The following DTX1 variants were observed in gnomAD, a reference collection of about 807,000 sequenced individuals.
DTX1 encodes deltex E3 ubiquitin ligase 1, also known as E3 ubiquitin-protein ligase DTX1.
DTX1 carries 26 observed loss-of-function variants against 57.8 expected under a neutral mutation model. The ratio of observed to expected loss-of-function variants is 0.45; its 90% confidence interval spans 0.33 to 0.62. The LOEUF (loss-of-function observed/expected upper bound fraction) is 0.62. Among genes scored for constraint, DTX1 ranks in the 20% least tolerant of loss-of-function variants. The probability of loss-of-function intolerance (pLI) is 0.02; values close to 1 mark genes in which losing one functional copy is unlikely to be tolerated. For missense variants in DTX1, 704 were observed against 895.3 expected (o/e 0.79, Z 2.73); for synonymous variants, 398 against 394.1 (o/e 1.01, Z -0.12).
chr12:113,087,173 C>T (rs2044867063), intron 3 of DTX1, among the ~76,000 whole-genome samples: 1 of 152,112 alleles, frequency 6.6e-6, no homozygotes, highest in Non-Finnish European at 1.5e-5. Context: ...ATCTGAGCCT[C>T]CAATACCACT....
At chr12:113,065,515 A>G (rs1592842612) in intron 2 of DTX1, among the ~76,000 whole-genome samples, 1 of 149,988 alleles carries the variant, frequency 6.7e-6, no homozygotes, top group Non-Finnish European at 1.5e-5. Flanking sequence ...TCCTCCCCTC[A>G]CCCCTTTCTC....
intron 3 of DTX1, among the ~76,000 whole-genome samples, chr12:113,080,344 C>G (rs980656663): frequency 3.3e-5 from 5 of 152,274 alleles, no homozygotes; most frequent in African/African-American, 1.2e-4. Flanking sequence ...AGCAGCTGGG[C>G]TCTGGCTGCC....
Position 113,094,996 on chromosome 12 carries a change from G to T in DTX1, c.1387-46G>T. On this transcript the variant is annotated intron_variant, in intron 7 of 9. Transcript: ENST00000548759. ...GAGGAGTGGGCAGGGAACGGAGTGG[G>T]GTTTGGGGGGGTGCTGGGAACTCAC... is the stretch of plus-strand genomic sequence containing the variant. The T allele has an allele frequency of 3.7e-6, 6 of 1,604,978 alleles. No homozygotes were observed. In the South Asian group the frequency reaches 6.6e-5, roughly 18 times the overall value.
Position 113,094,854 on chromosome 12 carries a change from G to A in DTX1, c.1293G>A (p.Lys431=). 6.2e-7 allele frequency: 1 copy of A among 1,613,818 alleles called. No homozygotes were observed. The highest frequency in any genetic ancestry group is 8.5e-7 in the Non-Finnish European group (1 of 1,180,006). ...GCTACGAGGGCGTGCTTCGGCACAA[G>A]GGCGTGCGGCCTGAGCTCGTGGGCC... ...ASGYEGVLRH[K]GVRPELVGRL... The change falls in exon 7 of 10, where the codon AAG becomes AAA. Residue 431 remains lysine, a synonymous_variant. Transcript: ENST00000548759.
Position 113,097,097 on chromosome 12 carries a change from A to C in DTX1, c.*158A>C. ...ACCTGCCTGGTGGCAGCTGGGATGA[A>C]GAGAGATGGCATGTCAGGCTGGCCC... On this transcript the variant is annotated 3_prime_UTR_variant, in exon 10 of 10. Transcript: ENST00000548759. 1 of 775,652 alleles carries C rather than the reference A, an allele frequency of 1.3e-6. No individual in the cohort carries two copies. The highest frequency in any genetic ancestry group is 2.0e-6 in the Non-Finnish European group (1 of 498,158). The allele number at this position is 775,652 out of a possible 1,614,324, so 48.0% of individuals were successfully genotyped here.
In DTX1 at chr12:113,084,325, G is replaced by T. The variant is rs183039952; in HGVS notation, c.941+6220G>T. 4.0e-4 allele frequency among the ~76,000 whole-genome samples: 61 copies of T among 152,346 alleles called. 2 individuals are homozygous for T. The highest frequency in any genetic ancestry group is 1.3e-3 in the African/African-American group (55 of 41,592). Reference sequence around the variant, plus strand: ...CCCACGTGGTGGGTGGGAGGACAGTGATAGCTGCGGGCCTATTTCCATTTA... The same window carrying T: ...CCCACGTGGTGGGTGGGAGGACAGTTATAGCTGCGGGCCTATTTCCATTTA... On this transcript the variant is annotated intron_variant, in intron 3 of 9. Transcript: ENST00000548759.
In DTX1 at chr12:113,077,637, A is replaced by T; in HGVS notation, c.473A>T (p.Gln158Leu). The T allele has an allele frequency of 1.1e-5, 18 of 1,609,578 alleles. No individual in the cohort carries two copies. The highest frequency in any genetic ancestry group is 1.5e-5 in the Non-Finnish European group (18 of 1,178,850). ...CTCATCTACTTCAACAGCATGTCGC[A>T]GATGAACCGCCAGACGCGCCGGCGC... is the stretch of plus-strand genomic sequence containing the variant. ...CYLIYFNSMS[Q>L]MNRQTRRRRR... is the part of the protein sequence containing the mutation. Residue 158 changes from glutamine to leucine, a missense_variant, in exon 3 of 10, where the codon CAG becomes CTG. Gln to Leu is a moderately radical substitution (Grantham distance 113). Around this residue, in one of 3 missense-constraint regions of DTX1, gnomAD observed 237 missense variants for 328.6 expected, o/e 0.72. Coordinates refer to ENST00000548759, the MANE Select transcript of DTX1 (RefSeq NM_004416.3). This position sits in a 1 kb window ranked among gnomAD's most constrained non-coding sequence, Gnocchi z 7.8.
chr12:113,094,816 G>A lies in DTX1; in HGVS notation c.1255G>A (p.Val419Ile). 6.2e-7 allele frequency: 1 copy of A among 1,613,822 alleles called. No homozygotes were observed. Among genetic ancestry groups the A allele is most frequent in the Non-Finnish European group, 8.5e-7 (1 of 1,179,950 alleles). Residue 419 changes from valine to isoleucine, a missense_variant, in exon 7 of 10, where the codon GTC becomes ATC. This residue lies in a region of DTX1 where 299 missense variants were observed against 311.2 expected (regional missense o/e 0.96). Coordinates refer to ENST00000548759, the MANE Select transcript of DTX1 (RefSeq NM_004416.3). ...CTGCACCATCTGCATGGAGCGACTGGTCACAGCATCAGGCTACGAGGGCGT... is the reference window on the plus strand; with the variant it reads ...CTGCACCATCTGCATGGAGCGACTGATCACAGCATCAGGCTACGAGGGCGT... ...EDCTICMERL[V>I]TASGYEGVLR...
rs1250787068 is a variant in DTX1 at position 113,093,645 on chromosome 12, C to T, written c.1110C>T (p.Pro370=). 2 of 1,613,598 alleles carry T rather than the reference C, an allele frequency of 1.2e-6. No homozygotes were observed. The highest frequency in any genetic ancestry group is 1.3e-5 in the African/African-American group (1 of 74,916). ...PPPVSKSDVK[P]VPGVPGVCRK... ...CCGTGAGCAAGAGCGACGTGAAGCCCGTGCCTGGCGTGCCCGGGGTGTGCC... is the reference window on the plus strand; with the variant it reads ...CCGTGAGCAAGAGCGACGTGAAGCCTGTGCCTGGCGTGCCCGGGGTGTGCC... The change falls in exon 5 of 10, where the codon CCC becomes CCT. Residue 370 remains proline, a synonymous_variant. Transcript: ENST00000548759. This position sits in a 1 kb window ranked among gnomAD's most constrained non-coding sequence, Gnocchi z 4.2.
rs755206055 is a variant in DTX1 at position 113,077,658 on chromosome 12, GGCGCCGCCGCCT to G, written c.508_519del (p.Arg170_Leu173del). On this transcript the variant is annotated inframe_deletion, in exon 3 of 10. Transcript: ENST00000548759. This position sits in a 1 kb window ranked among gnomAD's most constrained non-coding sequence, Gnocchi z 7.8. ...TCGCAGATGAACCGCCAGACGCGCCGGCGCCGCCGCCTGCGCCGCCGCCTGGACCTCGCCTAC... is the reference window on the plus strand; with the variant it reads ...TCGCAGATGAACCGCCAGACGCGCCGGCGCCGCCGCCTGGACCTCGCCTAC... 1.4e-5 allele frequency: 22 copies of G among 1,586,006 alleles called. No individual in the cohort carries two copies. Among genetic ancestry groups the G allele is most frequent in the East Asian group, 4.6e-5 (2 of 43,112 alleles).
intron 3 of DTX1, among the ~76,000 whole-genome samples, chr12:113,092,636 AATG>A (rs1950256948): frequency 6.6e-6 from 1 of 152,206 alleles, no homozygotes; most frequent in African/African-American, 2.4e-5. Flanking sequence ...TATCATTGTT[AATG>A]ATATGTTCTT....
In DTX1 at chr12:113,084,200, C is replaced by T. The variant is rs140694825; in HGVS notation, c.941+6095C>T. Among the ~76,000 whole-genome samples, 606 of 152,298 alleles carry T rather than the reference C, an allele frequency of 4.0e-3. 7 individuals carry two copies. The highest frequency in any genetic ancestry group is 7.1e-3 in the Non-Finnish European group (481 of 68,018). On this transcript the variant is annotated intron_variant, in intron 3 of 9. Transcript: ENST00000548759. ...AGCTGGCAGCCTGGGCCTGGGGGACCTGCGGGGGTGGGGAAGATCCGCCCT... is the reference window on the plus strand; with the variant it reads ...AGCTGGCAGCCTGGGCCTGGGGGACTTGCGGGGGTGGGGAAGATCCGCCCT...
In DTX1 at chr12:113,094,112, T is replaced by TGGGGGGGGGAGGGGAG; in HGVS notation, c.1227+20_1227+21insGGAGGGGAGGGGGGGG. ...CCCACCTGATGAGGTGAGGAGGGGA[T>TGGGGGGGGGAGGGGAG]GGGGGGGCTGGGGGAGGGCCCTGGC... is the stretch of plus-strand genomic sequence containing the variant. On this transcript the variant is annotated intron_variant, in intron 6 of 9. Transcript: ENST00000548759. The TGGGGGGGGGAGGGGAG allele has an allele frequency of 2.2e-6, 1 of 454,798 alleles. No individual in the cohort carries two copies. The highest frequency in any genetic ancestry group is 3.4e-5 in the Admixed American group (1 of 29,708). 28.2% of individuals were successfully genotyped at this position (454,798 alleles called of 1,614,324 possible). A position where few individuals can be genotyped will look rare whatever the true frequency, so the allele number is the denominator to read the frequency against.
chr12:113,091,977 G>A (rs1950251646), intron 3 of DTX1, among the ~76,000 whole-genome samples: 1 of 152,232 alleles, frequency 6.6e-6, no homozygotes, highest in African/African-American at 2.4e-5. Flanking sequence ...GAAGTCAGGA[G>A]GACTCAGGCA....
intron 3 of DTX1, among the ~76,000 whole-genome samples, chr12:113,086,214 G>A (rs191565505): frequency 6.0e-5 from 9 of 150,934 alleles, no homozygotes; most frequent in African/African-American, 1.2e-4. Context: ...AGCCAAGATC[G>A]AGCCACTGCA....
At position 113,094,964 on chromosome 12, in the gene DTX1, A is replaced by T. The variant is rs771798553; in HGVS notation, c.1386+17A>T. On this transcript the variant is annotated intron_variant, in intron 7 of 9. Transcript: ENST00000548759. The stretch of plus-strand genomic sequence containing the variant: ...GGCAACAAGGTGGGTTGGGCGGGAC[A>T]ATGGCTGAGGAGTGGGCAGGGAACG... 1.9e-6 allele frequency: 3 copies of T among 1,609,944 alleles called. No individual in the cohort carries two copies. The Admixed American group carries it at 5.0e-5, about 27-fold the overall frequency.
intron 2 of DTX1, among the ~76,000 whole-genome samples, chr12:113,073,198 A>C (rs2136056736): frequency 6.6e-6 from 1 of 152,278 alleles, no homozygotes; most frequent in Admixed American, 6.5e-5. Context: ...GAATGGTGGT[A>C]CTTCAGGCAC....
At position 113,094,119 on chromosome 12, in the gene DTX1, G is replaced by C; in HGVS notation, c.1227+20G>C. ...GATGAGGTGAGGAGGGGATGGGGGGGCTGGGGGAGGGCCCTGGCATGGAGG... is the reference window on the plus strand; with the variant it reads ...GATGAGGTGAGGAGGGGATGGGGGGCCTGGGGGAGGGCCCTGGCATGGAGG... On this transcript the variant is annotated intron_variant, in intron 6 of 9. Transcript: ENST00000548759. The C allele has an allele frequency of 1.4e-6, 2 of 1,460,234 alleles. No individual in the cohort carries two copies. Among genetic ancestry groups the C allele is most frequent in the Admixed American group, 4.0e-5 (2 of 49,980 alleles). 90.5% of individuals were successfully genotyped at this position (1,460,234 alleles called of 1,614,324 possible).
In DTX1 at chr12:113,093,012, A is replaced by T; in HGVS notation, c.942-150A>T. On this transcript the variant is annotated intron_variant, in intron 3 of 9. Transcript: ENST00000548759. The surrounding 1 kb of genome is among the most constrained non-coding windows in gnomAD (Gnocchi z 4.2). ...CATAATAGGATGTCAGAGTAGAAAG[A>T]GAGTTTCCTGGAGGTAACTGCAGTT... 1 of 722,156 alleles carries T rather than the reference A, an allele frequency of 1.4e-6. No homozygotes were observed. The highest frequency in any genetic ancestry group is 1.9e-5 in the South Asian group (1 of 51,802). The allele number at this position is 722,156 out of a possible 1,614,324, so 44.7% of individuals were successfully genotyped here.
Sources: gnomAD v4.1 joint callset for allele counts (sites outside exome capture counted in the v4.1 genomes callset) on GRCh38, gnomAD v4.1.1 for gene constraint, gnomAD v4.1.1 regional missense constraint, Gnocchi (gnomAD v3.1) non-coding constraint, MANE v1.5 for transcripts, NCBI Gene and HGNC (gene_info 2026-07-23, HGNC 2026-07-21) for gene names.